Variants in BRCA1 observed in about 807,000 individuals in gnomAD.
The protein encoded by BRCA1 is breast cancer type 1 susceptibility protein.
A neutral mutation model predicts 173.7 loss-of-function variants in BRCA1; 140 were observed. The ratio of observed to expected loss-of-function variants is 0.81; its 90% CI spans 0.70 to 0.93. BRCA1 has a LOEUF of 0.93. BRCA1 is among the 40% of genes least tolerant of loss of function. The pLI is 0.00. For missense variants in BRCA1, 1,983 were observed against 2,172.5 expected, an observed-to-expected ratio of 0.91 and a Z score of 1.73; for synonymous variants, 662 against 756.0, an observed-to-expected ratio of 0.88 and a Z score of 2.04.
chr17:43,097,843 C>T (rs950452052), intron 7 of BRCA1, among the ~76,000 whole-genome samples: 25 of 152,120 alleles, frequency 1.6e-4, no homozygotes, highest in Admixed American at 8.5e-4. Context: ...ATATCAACTA[C>T]TATAACTATT....
intron 4 of BRCA1, among the ~76,000 whole-genome samples, chr17:43,105,878 C>T (rs1471644558): frequency 6.6e-6 from 1 of 151,860 alleles, no homozygotes; most frequent in Admixed American, 6.6e-5. Context: ...ACCTGTGAAC[C>T]CCAGCACTTT....
intron 21 of BRCA1, 118 bp from the exon 22 acceptor site, chr17:43,047,821 G>A: frequency 1.3e-5 from 13 of 1,033,492 alleles, no homozygotes; most frequent in Non-Finnish European, 1.8e-5. Flanking sequence ...ACCCAGGCTG[G>A]AGTGCAGTGG....
chr17:43,139,860 A>C (rs1012488584), intron 1 of BRCA1: 2 of 469,676 alleles, frequency 4.3e-6, no homozygotes, highest in Admixed American at 4.7e-5. Flanking sequence ...GTTCCTACAA[A>C]AGAGATGATC....
chr17:43,124,000 C>T lies in BRCA1; in HGVS notation c.80+17G>A, dbSNP rs540373654. On this transcript the variant is annotated intron_variant, in intron 2 of 22. Coordinates refer to ENST00000357654, the MANE Select transcript of BRCA1 (RefSeq NM_007294.4). Reference sequence around the variant, plus strand: ...ATCATAGGAATCCCAAATTAATACACTCTTGTGCTGACTTACCAGATGGGA... The same window carrying T: ...ATCATAGGAATCCCAAATTAATACATTCTTGTGCTGACTTACCAGATGGGA... 7 of 1,592,898 alleles carry T rather than the reference C, an allele frequency of 4.4e-6. No homozygotes were observed. The Admixed American group carries it at 1.0e-4, about 23-fold the overall frequency.
chr17:43,138,727 C>G (rs189987468), intron 1 of BRCA1: 16 of 779,182 alleles, frequency 2.1e-5, no homozygotes, highest in Non-Finnish European at 3.6e-5. Flanking sequence ...AAGGTAGTCA[C>G]GTGGAATTTG....
rs2050836911 is a variant in BRCA1 at position 43,045,370 on chromosome 17, T to C, written c.*308A>G. The C allele has an allele frequency of 3.3e-6, 2 of 604,534 alleles. No individual in the cohort carries two copies. The highest frequency in any genetic ancestry group is 1.5e-5 in the South Asian group (1 of 65,860). 37.4% of individuals were successfully genotyped at this position (604,534 alleles called of 1,614,324 possible). A position where few individuals can be genotyped will look rare whatever the true frequency, so the allele number is the denominator to read the frequency against. On this transcript the variant is annotated 3_prime_UTR_variant, in exon 23 of 23. Coordinates refer to ENST00000357654, the MANE Select transcript of BRCA1 (RefSeq NM_007294.4). Reference sequence around the variant, plus strand: ...CCAACAACAGCCTGAATAGAAAGAATAGGGCTGATAAATAATGAATCAGCA... The same window carrying C: ...CCAACAACAGCCTGAATAGAAAGAACAGGGCTGATAAATAATGAATCAGCA...
In BRCA1 at chr17:43,106,520, T is replaced by C. The variant is rs747212786; in HGVS notation, c.148A>G (p.Lys50Glu). Residue 50 changes from lysine to glutamate, a missense_variant, in exon 4 of 23, where the codon AAA becomes GAA. Physicochemically the swap from Lys to Glu is moderately conservative, Grantham distance 56 (BLOSUM62 1). Coordinates refer to ENST00000357654, the MANE Select transcript of BRCA1 (RefSeq NM_007294.4). Reference protein sequence around the residue: ...DHIFCKFCMLKLLNQKKGPSQ... With the variant: ...DHIFCKFCMLELLNQKKGPSQ... Reference sequence around the variant, plus strand: ...GGCCCTTTCTTCTGGTTGAGAAGTTTCAGCATGCAAAATCTATAAATTATA... The same window carrying C: ...GGCCCTTTCTTCTGGTTGAGAAGTTCCAGCATGCAAAATCTATAAATTATA... 1 of 1,598,096 alleles carries C rather than the reference T, an allele frequency of 6.3e-7. No individual in the cohort carries two copies. The highest frequency in any genetic ancestry group is 1.1e-5 in the South Asian group (1 of 90,272).
chr17:43,066,069 T>C (rs1251646541), intron 16 of BRCA1, among the ~76,000 whole-genome samples: 1 of 152,206 alleles, frequency 6.6e-6, no homozygotes, highest in Non-Finnish European at 1.5e-5. Flanking sequence ...CATTGGAGAA[T>C]ACAGTGGGGC....
chr17:43,126,209 G>C (rs974310863), upstream of BRCA1, among the ~76,000 whole-genome samples: 1 of 152,198 alleles, frequency 6.6e-6, no homozygotes, highest in Non-Finnish European at 1.5e-5. Flanking sequence ...CTCAGCCCCA[G>C]TGTTTGTTAT....
chr17:43,063,274 A>T, intron 18 of BRCA1, 59 bp downstream of exon 18: 1 of 1,417,728 alleles, frequency 7.1e-7, no homozygotes, highest in Non-Finnish European at 1.0e-6. Flanking sequence ...AAGCAAATAC[A>T]TTTTTAACTA....
chr17:43,109,014 C>CA (rs771865141), intron 3 of BRCA1, among the ~76,000 whole-genome samples: 7 of 140,620 alleles, frequency 5.0e-5, no homozygotes, highest in East Asian at 2.1e-4. Context: ...CAAAACAAAA[C>CA]AAAAAAACCC....
chr17:43,158,503 C>T (rs2056212080), intron 1 of BRCA1, among the ~76,000 whole-genome samples: 1 of 152,100 alleles, frequency 6.6e-6, no homozygotes, highest in Non-Finnish European at 1.5e-5. Flanking sequence ...ATATGAAAAA[C>T]AACTTTCATA....
intron 16 of BRCA1, 47 bp downstream of exon 16, chr17:43,067,561 G>A: frequency 6.6e-7 from 1 of 1,509,658 alleles, no homozygotes; most frequent in Non-Finnish European, 9.2e-7. Context: ...GCCTCATGTG[G>A]TTTTATGCAG....
In BRCA1 at chr17:43,091,627, C is replaced by A. The variant is rs80357461; in HGVS notation, c.3904G>T (p.Glu1302Ter). The change falls in exon 10 of 23, where the codon GAA (glutamate) becomes TAA (stop). Residue 1302 changes from glutamate to a stop codon, truncating the protein, a stop_gained. Transcript: ENST00000357654. LOFTEE classifies it high-confidence loss of function. Reference sequence around the variant, plus strand: ...GTATTTGCAGTCAAGTCTTCCAATTCACTGCACTGTGAAGAAAACAAGCTA... The same window carrying A: ...GTATTTGCAGTCAAGTCTTCCAATTAACTGCACTGTGAAGAAAACAAGCTA... ...SASLFSSQCSELEDLTANTNT... is the reference protein window; with the variant it reads ...SASLFSSQCS 1 of 1,614,216 alleles carries A rather than the reference C, an allele frequency of 6.2e-7. No individual in the cohort carries two copies. Among genetic ancestry groups the A allele is most frequent in the Non-Finnish European group, 8.5e-7 (1 of 1,180,042 alleles).
intron 12 of BRCA1, among the ~76,000 whole-genome samples, chr17:43,082,121 C>T (rs1384903391): frequency 6.6e-6 from 1 of 152,218 alleles, no homozygotes; most frequent in Non-Finnish European, 1.5e-5. Flanking sequence ...TTCCACTTAG[C>T]TTCCAATAGA....
In BRCA1 at chr17:43,092,827, CAA is replaced by C. The variant is rs80357899; in HGVS notation, c.2702_2703del (p.Phe901Ter). On this transcript the variant is annotated frameshift_variant, in exon 10 of 23. Transcript: ENST00000357654. LOFTEE classifies it high-confidence loss of function. ...SLKKQSPKVT[F>X]ECEQKEENQG... is the part of the protein sequence containing the mutation. ...TGATTTTCTTCCTTTTGTTCACATTCAAAAGTGACTTTTGGACTTTGTTTCTT... is the reference window on the plus strand; with the variant it reads ...TGATTTTCTTCCTTTTGTTCACATTCAAGTGACTTTTGGACTTTGTTTCTT... 1 of 1,613,962 alleles carries C rather than the reference CAA, an allele frequency of 6.2e-7. No individual in the cohort carries two copies. The highest frequency in any genetic ancestry group is 8.5e-7 in the Non-Finnish European group (1 of 1,179,948).
At chr17:43,048,371 T>C (rs1396812967) in intron 21 of BRCA1, among the ~76,000 whole-genome samples, 2 of 151,834 alleles carry the variant, frequency 1.3e-5, no homozygotes, top group African/African-American at 4.8e-5. Context: ...CCCAGCTAAT[T>C]TTTGTATTTT....
chr17:43,139,038 C>T, intron 1 of BRCA1: 1 of 734,546 alleles, frequency 1.4e-6, no homozygotes, highest in African/African-American at 1.7e-5. Context: ...TTTGAAATAT[C>T]TAGAGTAATT....
intron 19 of BRCA1, among the ~76,000 whole-genome samples, chr17:43,053,067 G>A (rs1289706106): frequency 1.3e-5 from 2 of 151,660 alleles, no homozygotes; most frequent in African/African-American, 2.4e-5. Context: ...TAGTAGAAAC[G>A]GGGTTTCACT....
Sources: allele counts gnomAD v4.1 joint callset (sites outside exome capture counted in the v4.1 genomes callset), GRCh38; gene constraint gnomAD v4.1.1; transcripts MANE v1.5; gene names NCBI Gene and HGNC (gene_info 2026-07-23, HGNC 2026-07-21).